Variants in MMP26 observed in about 807,000 individuals in gnomAD.
The protein encoded by MMP26 is matrix metallopeptidase 26, also known as matrix metalloproteinase-26.
In MMP26, 33 loss-of-function variants were observed where a neutral mutation model predicts 31.0. The observed-to-expected ratio is 1.06, with a 90% CI of 0.81 to 1.42. The LOEUF is 1.42. MMP26 is among the 40% of genes most tolerant of loss of function. The pLI is 0.00. For synonymous variants in MMP26, 122 were observed against 114.9 expected, an observed-to-expected ratio of 1.06 and a Z score of -0.40; for missense variants, 347 against 316.1, an observed-to-expected ratio of 1.10 and a Z score of -0.74.
intron 1 of MMP26, among the ~76,000 whole-genome samples, chr11:4,743,412 G>A (rs1848339896): frequency 6.6e-6 from 1 of 152,240 alleles, no homozygotes; most frequent in East Asian, 1.9e-4. Context: ...TATAATAGGG[G>A]CTGTTAGTAT....
chr11:4,773,737 G>A (rs1045429388), intron 2 of MMP26, among the ~76,000 whole-genome samples: 1 of 151,802 alleles, frequency 6.6e-6, no homozygotes, highest in Non-Finnish European at 1.5e-5. Flanking sequence ...CCATCACCTA[G>A]GTATTAAGCC....
chr11:4,884,938 T>A (rs767241717), intron 2 of MMP26, among the ~76,000 whole-genome samples: 2 of 152,124 alleles, frequency 1.3e-5, no homozygotes, highest in African/African-American at 4.8e-5. Flanking sequence ...CTTTAAAGTA[T>A]AAAATGTAAT....
rs374980742 is a variant in MMP26 at position 4,807,307 on chromosome 11, TC to T, written c.-145+39968del. On this transcript the variant is annotated intron_variant, in intron 2 of 7. Coordinates refer to ENST00000380390, the MANE Select transcript of MMP26 (RefSeq NM_021801.5). Reference sequence around the variant, plus strand: ...ACTCCCACCAACAGTGTAAAAGCATTCCTATTTCTCCACATCCTCTCCAGCA... The same window carrying T: ...ACTCCCACCAACAGTGTAAAAGCATTCTATTTCTCCACATCCTCTCCAGCA... Among the ~76,000 whole-genome samples the T allele has an allele frequency of 4.5e-3, 680 of 152,262 alleles. 4 individuals are homozygous for T. The highest frequency in any genetic ancestry group is 0.015 in the African/African-American group (612 of 41,552).
intron 2 of MMP26, among the ~76,000 whole-genome samples, chr11:4,772,051 A>G (rs984153380): frequency 1.2e-4 from 18 of 152,156 alleles, no homozygotes; most frequent in African/African-American, 4.1e-4. Flanking sequence ...CATGGACTTT[A>G]TAGTAAGGTA....
Position 4,954,431 on chromosome 11 carries a change from G to T in MMP26, c.-144-33637G>T, listed in dbSNP as rs1846407062. Among the ~76,000 whole-genome samples, 2 of 125,458 alleles carry T rather than the reference G, an allele frequency of 1.6e-5. 1 individual carries two copies. Among genetic ancestry groups the T allele is most frequent in the Non-Finnish European group, 3.6e-5 (2 of 55,414 alleles). The allele number at this position is 125,458 out of a possible 152,430, so 82.3% of individuals were successfully genotyped here. A position where few individuals can be genotyped will look rare whatever the true frequency, so the allele number is the denominator to read the frequency against. On this transcript the variant is annotated intron_variant, in intron 2 of 7. Coordinates refer to ENST00000380390, the MANE Select transcript of MMP26 (RefSeq NM_021801.5). The stretch of plus-strand genomic sequence containing the variant: ...ATAAAATTTGGGTCTAGCAGTAAAA[G>T]AACCTGGTATAGAGAGACTGAATGT...
At chr11:4,859,640 C>A in intron 2 of MMP26, 1 of 457,646 alleles carries the variant, frequency 2.2e-6, no homozygotes, top group Non-Finnish European at 4.5e-6. Context: ...CTCTGGAACA[C>A]TTGAAAGATC....
intron 1 of MMP26, among the ~76,000 whole-genome samples, chr11:4,754,708 CAT>C (rs1178713913): frequency 2.0e-5 from 3 of 151,998 alleles, no homozygotes; most frequent in African/African-American, 7.2e-5. Flanking sequence ...TTTCTCCAAA[CAT>C]GTTGTCTATT....
At chr11:4,991,942 T>A in intron 6 of MMP26, 22 bp from the exon 7 acceptor site, 1 of 1,560,042 alleles carries the variant, frequency 6.4e-7, no homozygotes, top group Non-Finnish European at 8.6e-7. Context: ...ATTTTATCTT[T>A]TTTTTTTCTA....
intron 1 of MMP26, among the ~76,000 whole-genome samples, chr11:4,748,336 T>A (rs1171040856): frequency 2.0e-5 from 3 of 151,948 alleles, no homozygotes; most frequent in East Asian, 3.9e-4. Flanking sequence ...CAGAACCAGA[T>A]GGATTAACAG....
rs1846390955 is a variant in MMP26 at position 4,953,133 on chromosome 11, T to C, written c.-144-34935T>C. Among the ~76,000 whole-genome samples the C allele has an allele frequency of 1.6e-5, 2 of 125,822 alleles. 1 individual carries two copies. Among genetic ancestry groups the C allele is most frequent in the Non-Finnish European group, 3.6e-5 (2 of 55,568 alleles). 82.5% of individuals were successfully genotyped at this position (125,822 alleles called of 152,430 possible). A position where few individuals can be genotyped will look rare whatever the true frequency, so the allele number is the denominator to read the frequency against. On this transcript the variant is annotated intron_variant, in intron 2 of 7. Transcript: ENST00000380390. ...TAAATTTCTCTTTGTACCATATCTT[T>C]TTTCCTGTTTTAAAAATCTTTAGCA... is the stretch of plus-strand genomic sequence containing the variant.
intron 2 of MMP26, among the ~76,000 whole-genome samples, chr11:4,799,036 T>C (rs1589903900): frequency 6.6e-6 from 1 of 152,154 alleles, no homozygotes; most frequent in East Asian, 1.9e-4. Flanking sequence ...TATAGATTTG[T>C]TTATTTGAGG....
At chr11:4,808,883 C>T (rs1168515767) in intron 2 of MMP26, among the ~76,000 whole-genome samples, 2 of 150,104 alleles carry the variant, frequency 1.3e-5, no homozygotes, top group East Asian at 2.0e-4. Context: ...TGCTGACCTA[C>T]GGAATCTAGT....
At chr11:4,861,949 G>T (rs61880575) in intron 2 of MMP26, among the ~76,000 whole-genome samples, 4 of 151,896 alleles carry the variant, frequency 2.6e-5, no homozygotes, top group Non-Finnish European at 1.5e-5. Flanking sequence ...ACCTACCTCT[G>T]CAGCACCAAC....
rs114889506 is a variant in MMP26 at position 4,884,357 on chromosome 11, T to C, written c.-144-103711T>C. 9.7e-3 allele frequency among the ~76,000 whole-genome samples: 1,481 copies of C among 152,278 alleles called. 23 individuals are homozygous for C. The highest frequency in any genetic ancestry group is 0.034 in the African/African-American group (1,413 of 41,572). On this transcript the variant is annotated intron_variant, in intron 2 of 7. Transcript: ENST00000380390. ...CACTCAGCGGGAAGTCTTTGTATTC[T>C]ATTATACCACAGTTCAGTATTTTAC...
intron 2 of MMP26, among the ~76,000 whole-genome samples, chr11:4,868,356 C>T (rs768099525): frequency 1.1e-4 from 17 of 152,086 alleles, no homozygotes; most frequent in South Asian, 4.1e-4. Context: ...AGCTGAGAAG[C>T]GACTTCAGCA....
At chr11:4,869,089 T>C (rs1037524075) in intron 2 of MMP26, among the ~76,000 whole-genome samples, 2 of 152,192 alleles carry the variant, frequency 1.3e-5, no homozygotes, top group African/African-American at 4.8e-5. Flanking sequence ...AAGACTTAAA[T>C]GTTAGACCTA....
Position 4,940,546 on chromosome 11 carries a change from A to C in MMP26, c.-144-47522A>C, listed in dbSNP as rs945208377. 6.6e-5 allele frequency among the ~76,000 whole-genome samples: 10 copies of C among 152,322 alleles called. No individual in the cohort carries two copies. The East Asian group carries it at 7.7e-4, about 12-fold the overall frequency. On this transcript the variant is annotated intron_variant, in intron 2 of 7. Coordinates refer to ENST00000380390, the MANE Select transcript of MMP26 (RefSeq NM_021801.5). ...AAATCAGTGATAATAAAGTGATCAG[A>C]AGTAGGAAAGAATCCTTTAAGCTCC...
intron 1 of MMP26, among the ~76,000 whole-genome samples, chr11:4,716,879 T>C (rs915514752): frequency 3.3e-5 from 5 of 152,012 alleles, no homozygotes; most frequent in African/African-American, 1.2e-4. Context: ...GCCAGGCTGG[T>C]CTCAAACTCC....
chr11:4,722,055 C>T (rs1419692891), intron 1 of MMP26, among the ~76,000 whole-genome samples: 1 of 152,178 alleles, frequency 6.6e-6, no homozygotes, highest in African/African-American at 2.4e-5. Context: ...TCTCACTTTG[C>T]CTTCTGCCAT....
Sources: allele counts gnomAD v4.1 joint callset (sites outside exome capture counted in the v4.1 genomes callset), GRCh38; gene constraint gnomAD v4.1.1; transcripts MANE v1.5; gene names NCBI Gene and HGNC (gene_info 2026-07-23, HGNC 2026-07-21).